The following NSMCE2 variants were observed in gnomAD, a reference collection of about 807,000 sequenced individuals.
The protein encoded by NSMCE2 is E3 SUMO-protein ligase NSE2.
In NSMCE2, 24 loss-of-function variants were observed where a neutral mutation model predicts 23.8. The observed-to-expected ratio is 1.01, with a 90% CI of 0.73 to 1.42. NSMCE2 has a LOEUF of 1.42. NSMCE2 is among the 40% of genes most tolerant of loss of function. The pLI is 0.00. For missense variants in NSMCE2, 284 were observed against 296.5 expected (o/e 0.96, Z 0.31); for synonymous variants, 92 against 94.1 (o/e 0.98, Z 0.13).
At chr8:125,304,305 T>C (rs1828671088) in intron 5 of NSMCE2, among the ~76,000 whole-genome samples, 1 of 152,206 alleles carries the variant, frequency 6.6e-6, no homozygotes, top group Non-Finnish European at 1.5e-5. Context: ...TAAGTGATAG[T>C]TGCCACCTCA....
intron 3 of NSMCE2, among the ~76,000 whole-genome samples, chr8:125,139,388 A>G (rs1003970769): frequency 1.3e-5 from 2 of 152,148 alleles, no homozygotes; most frequent in African/African-American, 2.4e-5. Context: ...TGTTTTTAAT[A>G]TAGTATGTGT....
intron 5 of NSMCE2, among the ~76,000 whole-genome samples, chr8:125,330,330 C>A (rs1829829416): frequency 6.6e-6 from 1 of 152,050 alleles, no homozygotes; most frequent in Admixed American, 6.6e-5. Context: ...CGTGTGCCAC[C>A]ACACCCGGCT....
intron 5 of NSMCE2, 165 bp downstream of exon 5, chr8:125,182,421 T>A (rs1822875214): frequency 1.5e-6 from 1 of 676,896 alleles, no homozygotes; most frequent in Admixed American, 2.8e-5. Flanking sequence ...TGTCTAATTT[T>A]TGGTTCAAAT....
chr8:125,228,687 G>C lies in NSMCE2; in HGVS notation c.418+46431G>C, dbSNP rs566469759. Among the ~76,000 whole-genome samples the C allele has an allele frequency of 3.3e-5, 5 of 152,326 alleles. No homozygotes were observed. The East Asian group carries it at 9.6e-4, about 29-fold the overall frequency. On this transcript the variant is annotated intron_variant, in intron 5 of 7. Transcript: ENST00000287437. ...GTGAATGTCCCAGAGAGTCTGGTGT[G>C]TTACATGCCATATGGTGGTCAAGTG...
chr8:125,357,312 T>C lies in NSMCE2; in HGVS notation c.512T>C (p.Ile171Thr), dbSNP rs1361764882. 2 of 1,595,550 alleles carry C rather than the reference T, an allele frequency of 1.3e-6. No individual in the cohort carries two copies. Among genetic ancestry groups the C allele is most frequent in the South Asian group, 2.2e-5 (2 of 90,722 alleles). ...TQSQTNFTCP[I>T]TKEEMKKPVK... Reference sequence around the variant, plus strand: ...AGTCAGACCAACTTCACCTGCCCCATTACAAAGGTACCGCTTCCTCCTACT... The same window carrying C: ...AGTCAGACCAACTTCACCTGCCCCACTACAAAGGTACCGCTTCCTCCTACT... The change falls in exon 6 of 8, where the codon ATT becomes ACT. Residue 171 changes from isoleucine (I) to threonine (T), a missense_variant. Physicochemically the swap from Ile to Thr is moderately conservative, Grantham distance 89 (BLOSUM62 -1). This residue lies in a region of NSMCE2 where 102 missense variants were observed against 141.0 expected (regional missense o/e 0.72). Coordinates refer to ENST00000287437, the MANE Select transcript of NSMCE2 (RefSeq NM_173685.4).
intron 5 of NSMCE2, among the ~76,000 whole-genome samples, chr8:125,220,440 T>G (rs1440218673): frequency 6.6e-6 from 1 of 152,176 alleles, no homozygotes; most frequent in Admixed American, 6.5e-5. Flanking sequence ...TGTGACAACC[T>G]AAAACAAAAA....
chr8:125,141,618 T>A (rs1820377701), intron 3 of NSMCE2, among the ~76,000 whole-genome samples: 1 of 152,176 alleles, frequency 6.6e-6, no homozygotes, highest in Non-Finnish European at 1.5e-5. Flanking sequence ...CCGTGAAGAT[T>A]TGTTCTGTTT....
intron 5 of NSMCE2, among the ~76,000 whole-genome samples, chr8:125,185,855 C>T (rs140577000): frequency 6.6e-6 from 1 of 152,196 alleles, no homozygotes; most frequent in East Asian, 1.9e-4. Flanking sequence ...CAATTTTTGG[C>T]TTATTTAAAT....
intron 3 of NSMCE2, among the ~76,000 whole-genome samples, chr8:125,144,348 G>T (rs1043942845): frequency 6.6e-6 from 1 of 152,162 alleles, no homozygotes; most frequent in African/African-American, 2.4e-5. Flanking sequence ...AGTTTGATTG[G>T]TCTGTTAGCC....
intron 5 of NSMCE2, among the ~76,000 whole-genome samples, chr8:125,238,103 A>G (rs150547637): frequency 1.3e-3 from 196 of 152,232 alleles, no homozygotes; most frequent in African/African-American, 4.2e-3. Flanking sequence ...TCATCTCACT[A>G]TCAGCATTGA....
chr8:125,091,972 G>A lies in NSMCE2; in HGVS notation c.-111+14G>A, dbSNP rs1817678176. 6.6e-6 allele frequency: 1 copy of A among 152,436 alleles called. No individual in the cohort carries two copies. Among genetic ancestry groups the A allele is most frequent in the Non-Finnish European group, 1.5e-5 (1 of 68,208 alleles). 9.4% of individuals were successfully genotyped at this position (152,436 alleles called of 1,614,324 possible). On this transcript the variant is annotated intron_variant, in intron 1 of 7. Transcript: ENST00000287437. The stretch of plus-strand genomic sequence containing the variant: ...TTGGACTACCAGGTAGGGAAGAAGC[G>A]GGGGACGGCAATGGGGAGGGTGGCA...
chr8:125,294,445 C>T (rs956955989), intron 5 of NSMCE2, among the ~76,000 whole-genome samples: 7 of 152,150 alleles, frequency 4.6e-5, no homozygotes, highest in Non-Finnish European at 8.8e-5. Flanking sequence ...CCAATTGCTC[C>T]GCGTCCTCAC....
chr8:125,253,243 G>A (rs1023778816), intron 5 of NSMCE2, among the ~76,000 whole-genome samples: 5 of 152,178 alleles, frequency 3.3e-5, no homozygotes, highest in Admixed American at 2.6e-4. Context: ...ATATTAAACT[G>A]TGGTATTTGC....
intron 3 of NSMCE2, among the ~76,000 whole-genome samples, chr8:125,106,293 T>C (rs1245039748): frequency 6.6e-6 from 1 of 152,206 alleles, no homozygotes; most frequent in African/African-American, 2.4e-5. Context: ...TGCAAATAAC[T>C]AATATCACCA....
At chr8:125,137,994 T>G (rs1455915195) in intron 3 of NSMCE2, among the ~76,000 whole-genome samples, 1 of 152,220 alleles carries the variant, frequency 6.6e-6, no homozygotes, top group Non-Finnish European at 1.5e-5. Context: ...AAAATTTATG[T>G]CAAATTTATG....
At chr8:125,278,857 A>T (rs1194929779) in intron 5 of NSMCE2, among the ~76,000 whole-genome samples, 1 of 152,144 alleles carries the variant, frequency 6.6e-6, no homozygotes, top group Non-Finnish European at 1.5e-5. Flanking sequence ...GAAATTTTAT[A>T]TCTAAGATTA....
chr8:125,335,429 C>G (rs1163173980), intron 5 of NSMCE2, among the ~76,000 whole-genome samples: 4 of 152,208 alleles, frequency 2.6e-5, no homozygotes, highest in Non-Finnish European at 4.4e-5. Context: ...CTCAAAAACA[C>G]AGAGGGACTG....
chr8:125,291,296 A>G (rs1270803519), intron 5 of NSMCE2, among the ~76,000 whole-genome samples: 2 of 152,318 alleles, frequency 1.3e-5, no homozygotes, highest in African/African-American at 2.4e-5. Flanking sequence ...CACATAAAAA[A>G]CTAGTTTACA....
intron 5 of NSMCE2, among the ~76,000 whole-genome samples, chr8:125,197,943 T>C (rs201947087): frequency 9.2e-5 from 14 of 152,122 alleles, no homozygotes; most frequent in African/African-American, 3.4e-4. Context: ...ATTTTATTCT[T>C]TTTGTAGCAA....
Sources: allele counts gnomAD v4.1 joint callset (sites outside exome capture counted in the v4.1 genomes callset), GRCh38; gene constraint gnomAD v4.1.1; regional missense constraint gnomAD v4.1.1; transcripts MANE v1.5; gene names NCBI Gene and HGNC (gene_info 2026-07-23, HGNC 2026-07-21).